Variants in CTNNA3 observed in about 807,000 individuals in gnomAD.
CTNNA3 encodes catenin alpha-3.
A neutral mutation model predicts 95.7 loss-of-function variants in CTNNA3; 76 were observed. That is an observed-to-expected ratio of 0.79 (90% CI 0.66 to 0.96). CTNNA3 has a LOEUF of 0.96. CTNNA3 is among the 40% of genes least tolerant of loss of function. The pLI is 0.00. For missense variants in CTNNA3, 1,191 were observed against 1,089.8 expected (o/e 1.09, Z -1.31); for synonymous variants, 431 against 374.4 (o/e 1.15, Z -1.74).
intron 15 of CTNNA3, among the ~76,000 whole-genome samples, chr10:66,003,755 A>G (rs887235462): frequency 4.6e-5 from 7 of 152,214 alleles, no homozygotes; most frequent in African/African-American, 1.7e-4. Context: ...AAAACATAAC[A>G]TAATAACAAA....
intron 11 of CTNNA3, among the ~76,000 whole-genome samples, chr10:66,422,881 C>T (rs901773860): frequency 2.0e-5 from 3 of 151,452 alleles, no homozygotes; most frequent in Non-Finnish European, 4.4e-5. Flanking sequence ...CCACCTCCCT[C>T]GGCCTACCAA....
At chr10:65,942,042 A>G (rs1484342701) in intron 17 of CTNNA3, among the ~76,000 whole-genome samples, 2 of 152,162 alleles carry the variant, frequency 1.3e-5, no homozygotes, top group Admixed American at 6.5e-5. Context: ...TATTTAAAAT[A>G]TATGTTTCAC....
chr10:66,477,964 G>C (rs1589305142), intron 11 of CTNNA3, among the ~76,000 whole-genome samples: 1 of 152,174 alleles, frequency 6.6e-6, no homozygotes, highest in South Asian at 2.1e-4. Context: ...ACTTGTGTGA[G>C]TCAGACACTG....
intron 7 of CTNNA3, chr10:66,928,584 A>G (rs1211392992): frequency 2.9e-5 from 23 of 803,684 alleles, no homozygotes; most frequent in Non-Finnish European, 5.7e-6. Context: ...TGCTGGCAAG[A>G]TCCTTCCTTG....
intron 13 of CTNNA3, among the ~76,000 whole-genome samples, chr10:66,272,885 T>C (rs895303818): frequency 3.3e-5 from 5 of 152,170 alleles, no homozygotes; most frequent in Admixed American, 2.0e-4. Flanking sequence ...ATGAATCTGA[T>C]TGCCATCAGT....
intron 5 of CTNNA3, among the ~76,000 whole-genome samples, chr10:67,364,370 T>C (rs1843122685): frequency 6.6e-6 from 1 of 152,198 alleles, no homozygotes; most frequent in Non-Finnish European, 1.5e-5. Flanking sequence ...AATATCATAC[T>C]GAATGGCAAA....
intron 9 of CTNNA3, among the ~76,000 whole-genome samples, chr10:66,700,619 T>C (rs958704714): frequency 6.6e-5 from 10 of 152,344 alleles, no homozygotes; most frequent in African/African-American, 2.4e-4. Flanking sequence ...TTCATGGTCT[T>C]TGTAATTCCA....
chr10:67,439,902 T>C (rs1193755855), intron 5 of CTNNA3, among the ~76,000 whole-genome samples: 1 of 152,194 alleles, frequency 6.6e-6, no homozygotes, highest in Non-Finnish European at 1.5e-5. Flanking sequence ...ATGCAGAATA[T>C]TCCCAGCTGT....
chr10:67,298,961 G>A (rs1840155847), intron 5 of CTNNA3, among the ~76,000 whole-genome samples: 1 of 151,458 alleles, frequency 6.6e-6, no homozygotes, highest in Non-Finnish European at 1.5e-5. Flanking sequence ...TTGCTCTGTT[G>A]CCAGGCTGGA....
chr10:67,219,735 C>T lies in CTNNA3; in HGVS notation c.715G>A (p.Asp239Asn), dbSNP rs1360112371. Reference protein sequence around the residue: ...SDVASLKASKDTVCEEIQNAL... With the variant: ...SDVASLKASKNTVCEEIQNAL... ...TTCTGAATTTCTTCACAAACTGTGT[C>T]CTTGCTTGCTTTGAGGGAAGCAACA... is the stretch of plus-strand genomic sequence containing the variant. The change falls in exon 6 of 18, where the codon GAC becomes AAC. Residue 239 changes from aspartate (D) to asparagine (N), a missense_variant. Asp to Asn is a conservative substitution (Grantham distance 23). Transcript: ENST00000433211. 1 of 1,614,074 alleles carries T rather than the reference C, an allele frequency of 6.2e-7. No homozygotes were observed. The highest frequency in any genetic ancestry group is 1.1e-5 in the South Asian group (1 of 91,062).
At chr10:66,857,432 T>C (rs1843726272) in intron 7 of CTNNA3, among the ~76,000 whole-genome samples, 1 of 151,950 alleles carries the variant, frequency 6.6e-6, no homozygotes, top group Admixed American at 6.6e-5. Flanking sequence ...TAGTTTTTTG[T>C]AATTCTGTGA....
In CTNNA3 at chr10:67,448,217, T is replaced by C. The variant is rs77244975; in HGVS notation, c.579+73625A>G. ...GGAGAGCAGGGAAAGGGACTGGTTTTTAATAATGAAAAGTGAAATATTAGA... is the reference window on the plus strand; with the variant it reads ...GGAGAGCAGGGAAAGGGACTGGTTTCTAATAATGAAAAGTGAAATATTAGA... On this transcript the variant is annotated intron_variant, in intron 5 of 17. Coordinates refer to ENST00000433211, the MANE Select transcript of CTNNA3 (RefSeq NM_013266.4). 4.3e-3 allele frequency among the ~76,000 whole-genome samples: 662 copies of C among 152,296 alleles called. 7 individuals are homozygous for C. Among genetic ancestry groups the C allele is most frequent in the African/African-American group, 0.015 (635 of 41,566 alleles).
chr10:66,200,436 G>A (rs1030471734), intron 13 of CTNNA3, among the ~76,000 whole-genome samples: 1 of 152,146 alleles, frequency 6.6e-6, no homozygotes, highest in African/African-American at 2.4e-5. Flanking sequence ...GCCAGTTCTT[G>A]CAAGGGTTCT....
chr10:66,942,769 A>G (rs1172946528), intron 7 of CTNNA3, among the ~76,000 whole-genome samples: 1 of 152,194 alleles, frequency 6.6e-6, no homozygotes, highest in Non-Finnish European at 1.5e-5. Flanking sequence ...ATGGTCTGAG[A>G]ACTTAGTAAC....
intron 5 of CTNNA3, among the ~76,000 whole-genome samples, chr10:67,492,028 A>T (rs905271776): frequency 6.6e-5 from 10 of 152,152 alleles, no homozygotes; most frequent in Non-Finnish European, 4.4e-5. Context: ...ATGGGGTAGA[A>T]ATAAAGATAT....
At chr10:66,132,835 G>A (rs900751573) in intron 13 of CTNNA3, among the ~76,000 whole-genome samples, 13 of 152,084 alleles carry the variant, frequency 8.5e-5, no homozygotes, top group African/African-American at 3.1e-4. Flanking sequence ...ACTTATAGGT[G>A]GGAGCTAAAT....
chr10:66,226,391 A>T (rs1386388187), intron 13 of CTNNA3, among the ~76,000 whole-genome samples: 1 of 152,012 alleles, frequency 6.6e-6, no homozygotes, highest in African/African-American at 2.4e-5. Context: ...TGGGTTCTCT[A>T]TTCTGTTCCA....
chr10:66,446,234 C>T (rs867954585), intron 11 of CTNNA3, among the ~76,000 whole-genome samples: 6 of 152,160 alleles, frequency 3.9e-5, no homozygotes, highest in Admixed American at 2.0e-4. Context: ...CAGCGGATTT[C>T]TACCAAAGAT....
At chr10:67,627,384 G>A (rs1838994231) in intron 2 of CTNNA3, among the ~76,000 whole-genome samples, 1 of 152,066 alleles carries the variant, frequency 6.6e-6, no homozygotes, top group Admixed American at 6.6e-5. Flanking sequence ...CAATGGGGAG[G>A]GACCTGTGTC....
Sources: gnomAD v4.1 joint callset for allele counts (sites outside exome capture counted in the v4.1 genomes callset) on GRCh38, gnomAD v4.1.1 for gene constraint, MANE v1.5 for transcripts, NCBI Gene and HGNC (gene_info 2026-07-23, HGNC 2026-07-21) for gene names.